REPS1: variants seen among roughly 807,000 people sequenced by gnomAD.
REPS1 encodes ralBP1-associated Eps domain-containing protein 1.
REPS1 carries 39 observed loss-of-function variants against 100.9 expected under a neutral mutation model. The observed-to-expected ratio is 0.39, with a 90% CI of 0.30 to 0.50. The LOEUF (loss-of-function observed/expected upper bound fraction) is 0.50. Ranked by LOEUF, REPS1 falls within the 20% of genes least tolerant of loss-of-function variation. The pLI, the probability that REPS1 is intolerant of heterozygous loss-of-function variation, is 0.86. For synonymous variants in REPS1, 324 were observed against 340.3 expected, an observed-to-expected ratio of 0.95 and a Z score of 0.53; for missense variants, 821 against 968.5, an observed-to-expected ratio of 0.85 and a Z score of 2.02.
At chr6:138,935,856 C>CGGGGGGGGGGGGGGGG (rs1449985583) in intron 8 of REPS1, among the ~76,000 whole-genome samples, 1 of 2,196 alleles carries the variant, frequency 4.6e-4, no homozygotes, top group African/African-American at 8.3e-4. Context: ...TCCATCTTGG[C>CGGGGGGGGGGGGGGGG]GGGGGGGGGG....
chr6:138,978,492 A>T (rs1582863480), intron 1 of REPS1, among the ~76,000 whole-genome samples: 1 of 131,306 alleles, frequency 7.6e-6, no homozygotes, highest in South Asian at 2.3e-4. Flanking sequence ...TTTTTTTTTT[A>T]CAGGCAGGGG....
chr6:138,948,030 TACTC>T (rs1279001393), intron 1 of REPS1, 117 bp from the exon 2 acceptor site: 3 of 805,936 alleles, frequency 3.7e-6, no homozygotes, highest in Non-Finnish European at 5.2e-6. Flanking sequence ...GATGGTATAA[TACTC>T]ACAACTGACA....
chr6:138,938,098 T>C (rs1281219588), intron 8 of REPS1, among the ~76,000 whole-genome samples: 3 of 152,192 alleles, frequency 2.0e-5, no homozygotes, highest in African/African-American at 4.8e-5. Flanking sequence ...AATTTTTGTA[T>C]GCTTTCTTTT....
intron 7 of REPS1, 42 bp from the exon 8 acceptor site, chr6:138,941,531 T>C (rs1782247653): frequency 6.4e-7 from 1 of 1,555,940 alleles, no homozygotes; most frequent in South Asian, 1.2e-5. Context: ...CATTCCGCTT[T>C]GGATCCTTTT....
chr6:138,951,405 T>C (rs972207974), intron 1 of REPS1, among the ~76,000 whole-genome samples: 6 of 152,182 alleles, frequency 3.9e-5, no homozygotes, highest in Non-Finnish European at 5.9e-5. Context: ...TATTAAGATA[T>C]AAGTAAGTAT....
At chr6:138,927,459 C>T (rs1781208537) in intron 9 of REPS1, 1 of 151,554 alleles carries the variant, frequency 6.6e-6, no homozygotes, top group South Asian at 2.1e-4. Flanking sequence ...CAGTTATCCT[C>T]TAAAGAGGAA....
At chr6:138,907,328 G>GTGTGTGTGTT in intron 19 of REPS1, 167 bp downstream of exon 19, 1 of 485,922 alleles carries the variant, frequency 2.1e-6, no homozygotes, top group Non-Finnish European at 3.8e-6. Flanking sequence ...GTGTGTGTGT[G>GTGTGTGTGTT]TGTGTGTGTG....
intron 1 of REPS1, 28 bp downstream of exon 1, chr6:138,987,502 G>A: frequency 1.3e-6 from 2 of 1,538,428 alleles, no homozygotes; most frequent in Non-Finnish European, 1.8e-6. Flanking sequence ...GGCCTAAGCC[G>A]CCCGCCGGCC....
chr6:138,946,272 G>T (rs918441299), intron 2 of REPS1, among the ~76,000 whole-genome samples: 1 of 91,356 alleles, frequency 1.1e-5, no homozygotes, highest in African/African-American at 3.8e-5. Flanking sequence ...CCAAAAATAT[G>T]GTAGAGTATT....
chr6:138,911,764 G>C (rs1780025484), intron 16 of REPS1, among the ~76,000 whole-genome samples: 1 of 150,708 alleles, frequency 6.6e-6, no homozygotes, highest in South Asian at 2.1e-4. Flanking sequence ...GAGGAGGATG[G>C]GGTGAGGATG....
Position 138,987,557 on chromosome 6 carries a change from C to A in REPS1, c.126G>T (p.Ala42=). 1 of 1,550,004 alleles carries A rather than the reference C, an allele frequency of 6.5e-7. No homozygotes were observed. The highest frequency in any genetic ancestry group is 1.4e-5 in the African/African-American group (1 of 72,910). The change falls in exon 1 of 20, where the codon GCG becomes GCT. Residue 42 remains alanine (A), a synonymous_variant. Transcript: ENST00000450536. ...NGRVLELFRA[A]QLPNDVVLQI... is the part of the protein sequence containing the mutation. ...GTAGGACCACGTCGTTCGGCAGCTG[C>A]GCGGCCCGGAACAGCTCCAGCACCC... is the stretch of plus-strand genomic sequence containing the variant.
intron 15 of REPS1, among the ~76,000 whole-genome samples, chr6:138,913,209 G>GA (rs1780127726): frequency 6.6e-6 from 1 of 151,964 alleles, no homozygotes; most frequent in Non-Finnish European, 1.5e-5. Context: ...GTATTGCAAA[G>GA]AAAGTACAAT....
At chr6:138,914,482 ATT>A (rs1780220830) in intron 15 of REPS1, among the ~76,000 whole-genome samples, 1 of 152,178 alleles carries the variant, frequency 6.6e-6, no homozygotes, top group South Asian at 2.1e-4. Flanking sequence ...AGACATTATC[ATT>A]TGTTTCACTT....
intron 8 of REPS1, among the ~76,000 whole-genome samples, chr6:138,932,956 A>G (rs1206960071): frequency 2.0e-5 from 3 of 152,234 alleles, no homozygotes; most frequent in African/African-American, 4.8e-5. Flanking sequence ...ATATGTTGTG[A>G]AATCAGCAAA....
chr6:138,950,824 T>TG (rs1245340425), intron 1 of REPS1, among the ~76,000 whole-genome samples: 7 of 152,330 alleles, frequency 4.6e-5, no homozygotes, highest in Non-Finnish European at 8.8e-5. Context: ...GTTCCAAACT[T>TG]TAACAAGATC....
rs138205548 is a variant in REPS1 at position 138,911,894 on chromosome 6, C to T, written c.1972-523G>A. Reference sequence around the variant, plus strand: ...CATAAATGTGTGAGGGAGAGGAGGACGGGGTGAGGATGCAGCCACTGCACC... The same window carrying T: ...CATAAATGTGTGAGGGAGAGGAGGATGGGGTGAGGATGCAGCCACTGCACC... On this transcript the variant is annotated intron_variant, in intron 16 of 19. Coordinates refer to ENST00000450536, the MANE Select transcript of REPS1 (RefSeq NM_001286611.2). Among the ~76,000 whole-genome samples the T allele has an allele frequency of 5.2e-3, 796 of 151,652 alleles. 6 individuals carry two copies. Among genetic ancestry groups the T allele is most frequent in the Middle Eastern group, 6.8e-3 (2 of 294 alleles).
chr6:138,909,480 T>C (rs1328445860), intron 17 of REPS1, among the ~76,000 whole-genome samples: 3 of 152,154 alleles, frequency 2.0e-5, no homozygotes, highest in Admixed American at 1.3e-4. Context: ...AAAAATAAAG[T>C]TCATTACTTA....
chr6:138,911,888 G>C (rs998712800), intron 16 of REPS1, among the ~76,000 whole-genome samples: 7 of 152,144 alleles, frequency 4.6e-5, no homozygotes, highest in African/African-American at 1.7e-4. Context: ...GTGAGGGAGA[G>C]GAGGACGGGG....
intron 9 of REPS1, chr6:138,929,687 A>T (rs1781366373): frequency 4.0e-6 from 1 of 247,942 alleles, no homozygotes; most frequent in South Asian, 7.3e-5. Flanking sequence ...CCCTCACTGG[A>T]TATGAGATCT....
Sources: allele counts gnomAD v4.1 joint callset (sites outside exome capture counted in the v4.1 genomes callset), GRCh38; gene constraint gnomAD v4.1.1; transcripts MANE v1.5; gene names NCBI Gene and HGNC (gene_info 2026-07-23, HGNC 2026-07-21).